Variants in CDH23 observed in about 807,000 individuals in gnomAD.
The protein encoded by CDH23 is cadherin related 23.
In CDH23, 189 loss-of-function variants were observed where a neutral mutation model predicts 317.1. The observed-to-expected ratio is 0.60, with a 90% CI of 0.53 to 0.67. The LOEUF (loss-of-function observed/expected upper bound fraction) is 0.67. Among genes scored for constraint, CDH23 ranks in the 30% least tolerant of loss-of-function variants. CDH23 has a pLI of 0.00. For synonymous variants in CDH23, 1,839 were observed against 1,876.8 expected, an observed-to-expected ratio of 0.98 and a Z score of 0.52; for missense variants, 4,401 against 4,592.4, an observed-to-expected ratio of 0.96 and a Z score of 1.20.
chr10:71,505,230 G>A (rs541807129), intron 3 of CDH23, among the ~76,000 whole-genome samples: 5 of 152,266 alleles, frequency 3.3e-5, no homozygotes, highest in Admixed American at 6.5e-5. Context: ...TGTAGAACAC[G>A]GACCTCTGAG....
chr10:71,740,993 G>A lies in CDH23; in HGVS notation c.4617+43G>A, dbSNP rs373543413. 1.4e-3 allele frequency: 2,219 copies of A among 1,611,480 alleles called. 6 individuals are homozygous for A. Among genetic ancestry groups the A allele is most frequent in the Non-Finnish European group, 1.7e-3 (2,058 of 1,178,044 alleles). On this transcript the variant is annotated intron_variant, in intron 37 of 69. Coordinates refer to ENST00000224721, the MANE Select transcript of CDH23 (RefSeq NM_022124.6). ...GCCCATATAGCTGGACATACGGGGG[G>A]ACCGTGGGCACGAGCCAACCATGCA...
intron 11 of CDH23, among the ~76,000 whole-genome samples, chr10:71,619,577 T>A (rs558009850): frequency 6.0e-4 from 92 of 152,284 alleles, no homozygotes; most frequent in Non-Finnish European, 1.2e-3. Context: ...GGGGTCCAGG[T>A]CCAGTGACCA....
At chr10:71,724,361 C>T (rs1008499749) in intron 29 of CDH23, among the ~76,000 whole-genome samples, 4 of 152,178 alleles carry the variant, frequency 2.6e-5, no homozygotes, top group African/African-American at 4.8e-5. Flanking sequence ...GGCGTGATCT[C>T]GGCCTACTGC....
chr10:71,626,954 G>A (rs1003716019), intron 11 of CDH23, among the ~76,000 whole-genome samples: 5 of 152,162 alleles, frequency 3.3e-5, no homozygotes, highest in South Asian at 2.1e-4. Context: ...CAGAGAAGTG[G>A]GGGTCTTCAT....
intron 10 of CDH23, among the ~76,000 whole-genome samples, chr10:71,616,106 T>G (rs541893769): frequency 5.3e-5 from 8 of 152,268 alleles, no homozygotes; most frequent in African/African-American, 1.9e-4. Context: ...AGAGCTACAG[T>G]CCCGCACCCG....
At chr10:71,411,836 C>T (rs1848357741) in intron 1 of CDH23, among the ~76,000 whole-genome samples, 1 of 152,058 alleles carries the variant, frequency 6.6e-6, no homozygotes, top group South Asian at 2.1e-4. Flanking sequence ...CCTTTTAAAC[C>T]CTTTTTCAGT....
chr10:71,620,607 CA>C (rs915321220), intron 11 of CDH23, among the ~76,000 whole-genome samples: 9 of 152,348 alleles, frequency 5.9e-5, no homozygotes, highest in South Asian at 4.1e-4. Flanking sequence ...CCGCTGCAGT[CA>C]GGGCACCCAA....
At chr10:71,398,552 T>C (rs1219558246) in intron 1 of CDH23, among the ~76,000 whole-genome samples, 2 of 150,350 alleles carry the variant, frequency 1.3e-5, no homozygotes, top group Admixed American at 6.7e-5. Context: ...AAGAACCTAG[T>C]TGGGGCCAGT....
At chr10:71,706,853 CG>C in intron 25 of CDH23, 43 bp from the exon 26 acceptor site, 1 of 1,548,664 alleles carries the variant, frequency 6.5e-7, no homozygotes, top group Non-Finnish European at 8.7e-7. Context: ...GGGTCTTCTG[CG>C]GCAGAAGCCA....
chr10:71,399,720 G>A (rs530454223), intron 1 of CDH23, among the ~76,000 whole-genome samples: 28 of 152,144 alleles, frequency 1.8e-4, no homozygotes, highest in Middle Eastern at 3.4e-3. Context: ...TGCTAGGACC[G>A]TGCTTGTGAA....
intron 6 of CDH23, among the ~76,000 whole-genome samples, chr10:71,561,230 G>C (rs148347813): frequency 6.6e-6 from 1 of 151,634 alleles, no homozygotes; most frequent in African/African-American, 2.4e-5. Context: ...TTTTCACTCT[G>C]GCCCTCAGTC....
At position 71,562,467 on chromosome 10, in the gene CDH23, G is replaced by T. The variant is rs932510212; in HGVS notation, c.430-4275G>T. ...GGCGGGCACTGTGCCCTCATTAGCAGTCCAGGAGTGGTGGCCTGGCACTTT... is the reference window on the plus strand; with the variant it reads ...GGCGGGCACTGTGCCCTCATTAGCATTCCAGGAGTGGTGGCCTGGCACTTT... On this transcript the variant is annotated intron_variant, in intron 6 of 69. Coordinates refer to ENST00000224721, the MANE Select transcript of CDH23 (RefSeq NM_022124.6). Among the ~76,000 whole-genome samples, 3 of 152,240 alleles carry T rather than the reference G, an allele frequency of 2.0e-5. No homozygotes were observed. The East Asian group carries it at 5.8e-4, about 29-fold the overall frequency.
At chr10:71,443,717 A>G (rs1850013532) in intron 2 of CDH23, among the ~76,000 whole-genome samples, 1 of 152,352 alleles carries the variant, frequency 6.6e-6, no homozygotes, top group East Asian at 1.9e-4. Context: ...CTTCCCCCGA[A>G]GAAATCACCC....
chr10:71,523,934 G>A (rs1301084719), intron 6 of CDH23, among the ~76,000 whole-genome samples: 1 of 152,168 alleles, frequency 6.6e-6, no homozygotes, highest in Admixed American at 6.5e-5. Flanking sequence ...TGGTCCCCAA[G>A]GGCACTAGGC....
chr10:71,716,402 A>G, intron 28 of CDH23: 1 of 1,381,968 alleles, frequency 7.2e-7, no homozygotes, highest in South Asian at 1.5e-5. Flanking sequence ...GGCAGCGGGT[A>G]TAGGGAAGAC....
intron 44 of CDH23, among the ~76,000 whole-genome samples, chr10:71,787,357 A>G (rs1161208622): frequency 2.0e-5 from 3 of 148,772 alleles, no homozygotes; most frequent in East Asian, 2.0e-4. Context: ...CAGGGAGTAC[A>G]AGCACAGGTT....
chr10:71,601,755 G>A (rs1425373431), intron 9 of CDH23, among the ~76,000 whole-genome samples: 1 of 152,194 alleles, frequency 6.6e-6, no homozygotes. Flanking sequence ...GTGAAATTTT[G>A]TCTGATACAA....
chr10:71,475,452 C>T (rs1320953997), intron 3 of CDH23, among the ~76,000 whole-genome samples: 5 of 152,170 alleles, frequency 3.3e-5, no homozygotes, highest in South Asian at 2.1e-4. Flanking sequence ...TCTAGGAGGG[C>T]GGTTGAGGAC....
chr10:71,432,150 G>A (rs1266034415), intron 1 of CDH23, among the ~76,000 whole-genome samples: 1 of 152,130 alleles, frequency 6.6e-6, no homozygotes, highest in African/African-American at 2.4e-5. Flanking sequence ...GTGGGGTGGG[G>A]GCATTTTGTG....
Sources: gnomAD v4.1 joint callset for allele counts (sites outside exome capture counted in the v4.1 genomes callset) on GRCh38, gnomAD v4.1.1 for gene constraint, MANE v1.5 for transcripts, NCBI Gene and HGNC (gene_info 2026-07-23, HGNC 2026-07-21) for gene names.